Variants in WDFY2 observed in about 807,000 individuals in gnomAD.
WDFY2 encodes the protein WD repeat and FYVE domain-containing protein 2.
Under a neutral mutation model 56.4 loss-of-function variants are expected in WDFY2, and 36 were observed. That is an observed-to-expected ratio of 0.64 (90% confidence interval 0.49 to 0.84). The LOEUF (loss-of-function observed/expected upper bound fraction) is 0.84. WDFY2 is among the 40% of genes least tolerant of loss of function. WDFY2 has a pLI of 0.00. For missense variants in WDFY2, 444 were observed against 512.2 expected (o/e 0.87, Z 1.29); for synonymous variants, 176 against 183.7 (o/e 0.96, Z 0.34).
At chr13:51,606,248 C>A (rs1348224592) in intron 1 of WDFY2, among the ~76,000 whole-genome samples, 1 of 152,090 alleles carries the variant, frequency 6.6e-6, no homozygotes, top group South Asian at 2.1e-4. Flanking sequence ...TCAAAAATTT[C>A]GATTTGATTT....
intron 6 of WDFY2, among the ~76,000 whole-genome samples, chr13:51,734,185 C>T (rs543188321): frequency 1.3e-5 from 2 of 152,262 alleles, no homozygotes; most frequent in South Asian, 4.1e-4. Flanking sequence ...TTTTGTAACA[C>T]TCCACGTGGT....
At chr13:51,607,644 C>T (rs891865239) in intron 1 of WDFY2, among the ~76,000 whole-genome samples, 1 of 151,386 alleles carries the variant, frequency 6.6e-6, no homozygotes, top group Admixed American at 6.6e-5. Context: ...ATTAAAACAA[C>T]AAAAATTCAA....
chr13:51,690,765 C>T (rs952080589), intron 3 of WDFY2, among the ~76,000 whole-genome samples: 6 of 152,124 alleles, frequency 3.9e-5, no homozygotes, highest in Non-Finnish European at 5.9e-5. Context: ...CCTGAGGAAT[C>T]GCCACACTGA....
chr13:51,641,200 G>A (rs1955148479), intron 1 of WDFY2, among the ~76,000 whole-genome samples: 1 of 152,076 alleles, frequency 6.6e-6, no homozygotes, highest in South Asian at 2.1e-4. Flanking sequence ...AGCCTCCCGA[G>A]TAGCTGGGAT....
At chr13:51,729,411 T>A (rs1370911613) in intron 6 of WDFY2, among the ~76,000 whole-genome samples, 42 of 136,916 alleles carry the variant, frequency 3.1e-4, no homozygotes, top group Admixed American at 1.7e-3. Flanking sequence ...ATAGAAGCTT[T>A]AAAAAAAAAA....
At chr13:51,698,265 A>G (rs1365831243) in intron 3 of WDFY2, among the ~76,000 whole-genome samples, 2 of 152,254 alleles carry the variant, frequency 1.3e-5, no homozygotes, top group Non-Finnish European at 2.9e-5. Context: ...AAAAATTCTT[A>G]TTGAATATTA....
chr13:51,667,595 C>G (rs1156788734), intron 2 of WDFY2, among the ~76,000 whole-genome samples: 2 of 152,132 alleles, frequency 1.3e-5, no homozygotes, highest in Admixed American at 6.5e-5. Context: ...GACTTTTAAA[C>G]ATCTTTAACT....
intron 4 of WDFY2, among the ~76,000 whole-genome samples, chr13:51,714,310 A>G (rs1477879212): frequency 1.3e-5 from 2 of 150,706 alleles, no homozygotes; most frequent in African/African-American, 4.9e-5. Context: ...TTGTTTTTTG[A>G]TAGAGAGTTT....
At chr13:51,614,992 A>G (rs1246040528) in intron 1 of WDFY2, among the ~76,000 whole-genome samples, 1 of 152,230 alleles carries the variant, frequency 6.6e-6, no homozygotes, top group Admixed American at 6.5e-5. Flanking sequence ...GAGTGCACAT[A>G]AAGAGGTAAA....
chr13:51,693,269 G>A (rs1158383221), intron 3 of WDFY2, among the ~76,000 whole-genome samples: 1 of 151,990 alleles, frequency 6.6e-6, no homozygotes, highest in Non-Finnish European at 1.5e-5. Context: ...TTTTCATTGT[G>A]ATGTTAGGGT....
intron 6 of WDFY2, among the ~76,000 whole-genome samples, chr13:51,730,453 A>G (rs1010758510): frequency 6.6e-6 from 1 of 152,138 alleles, no homozygotes; most frequent in Non-Finnish European, 1.5e-5. Context: ...TCTTCCCTGG[A>G]TCCCCTTCTC....
chr13:51,643,352 ACT>A (rs1170546678), intron 1 of WDFY2, among the ~76,000 whole-genome samples: 1 of 152,216 alleles, frequency 6.6e-6, no homozygotes, highest in Non-Finnish European at 1.5e-5. Flanking sequence ...CCTCTGAATC[ACT>A]GCTCTTTCCA....
intron 1 of WDFY2, chr13:51,588,798 A>G (rs1414844669): frequency 2.6e-5 from 4 of 152,200 alleles, no homozygotes; most frequent in African/African-American, 9.6e-5. Context: ...TCTGGAAATT[A>G]GTGTCTGCAG....
chr13:51,741,343 G>T (rs887048840), intron 7 of WDFY2, among the ~76,000 whole-genome samples: 2 of 152,192 alleles, frequency 1.3e-5, no homozygotes, highest in Non-Finnish European at 2.9e-5. Context: ...CTCTATGAGG[G>T]ACTCCTTGTC....
At chr13:51,751,148 A>G (rs1233598229) in intron 7 of WDFY2, among the ~76,000 whole-genome samples, 162 bp from the exon 8 acceptor site, 1 of 151,812 alleles carries the variant, frequency 6.6e-6, no homozygotes, top group Admixed American at 6.6e-5. Context: ...AATCCTGGAT[A>G]CTCTTCTGAC....
rs974813113 is a variant in WDFY2 at position 51,767,407 on chromosome 13, A to C, written c.*7638A>C. The C allele has an allele frequency of 5.3e-5, 8 of 152,210 alleles. No homozygotes were observed. The highest frequency in any genetic ancestry group is 4.6e-4 in the Admixed American group (7 of 15,282). The allele number at this position is 152,210 out of a possible 1,614,324, so 9.4% of individuals were successfully genotyped here. ...ATCCCTTCCTTGTGGTCCTTGGCTG[A>C]TGATGAGCCCTGGATCAGAGTGTCT... On this transcript the variant is annotated 3_prime_UTR_variant, in exon 12 of 12. Transcript: ENST00000298125.
Position 51,765,664 on chromosome 13 carries a change from A to AT in WDFY2, c.*5896dup, listed in dbSNP as rs1953723599. ...TGGATAACGGAGAGCCTATCACCAC[A>AT]TGCCTTTGTTGTCTTCCATCATATC... On this transcript the variant is annotated 3_prime_UTR_variant, in exon 12 of 12. Transcript: ENST00000298125. 6.6e-6 allele frequency: 1 copy of AT among 152,156 alleles called. No individual in the cohort carries two copies. Among genetic ancestry groups the AT allele is most frequent in the African/African-American group, 2.4e-5 (1 of 41,430 alleles). 9.4% of individuals were successfully genotyped at this position (152,156 alleles called of 1,614,324 possible).
chr13:51,592,197 A>G (rs368073222), intron 1 of WDFY2: 53 of 152,280 alleles, frequency 3.5e-4, no homozygotes, highest in African/African-American at 1.3e-3. Context: ...AGCATTTGCT[A>G]TTGTTTGAGT....
chr13:51,628,168 G>C (rs540707144), intron 1 of WDFY2, among the ~76,000 whole-genome samples: 1 of 152,310 alleles, frequency 6.6e-6, no homozygotes, highest in African/African-American at 2.4e-5. Context: ...CAGGCTGTTC[G>C]TGCTGAGAGG....
Sources: gnomAD v4.1 joint callset for allele counts (sites outside exome capture counted in the v4.1 genomes callset) on GRCh38, gnomAD v4.1.1 for gene constraint, MANE v1.5 for transcripts, NCBI Gene and HGNC (gene_info 2026-07-23, HGNC 2026-07-21) for gene names.